Variants in ADIPOR1 observed in about 807,000 individuals in gnomAD.
ADIPOR1 encodes the protein adiponectin receptor protein 1.
In ADIPOR1, 15 loss-of-function variants were observed where a neutral mutation model predicts 37.5. That is an observed-to-expected ratio of 0.40 (90% CI 0.27 to 0.62). The LOEUF is 0.62. Among genes scored for constraint, ADIPOR1 ranks in the 20% least tolerant of loss-of-function variants. The pLI, the probability that ADIPOR1 is intolerant of heterozygous loss-of-function variation, is 0.42. For missense variants in ADIPOR1, 286 were observed against 478.0 expected (o/e 0.60, Z 3.75); for synonymous variants, 173 against 173.2 (o/e 1.00, Z 0.01).
At chr1:202,942,682 G>A (rs1654144479) in intron 6 of ADIPOR1, among the ~76,000 whole-genome samples, 1 of 152,084 alleles carries the variant, frequency 6.6e-6, no homozygotes, top group South Asian at 2.1e-4. Context: ...GTAGCTGCTG[G>A]GACACACAAG....
intron 5 of ADIPOR1, 80 bp from the exon 6 acceptor site, chr1:202,944,025 T>C: frequency 7.8e-7 from 1 of 1,283,972 alleles, no homozygotes; most frequent in Admixed American, 2.2e-5. Context: ...CTTTCTGTTC[T>C]CCACCTGCTC....
At chr1:202,955,125 T>TAC (rs1179588393) in intron 1 of ADIPOR1, among the ~76,000 whole-genome samples, 1 of 152,132 alleles carries the variant, frequency 6.6e-6, no homozygotes. Context: ...ATCACCGAAC[T>TAC]ACAGTATATA....
Position 202,951,139 on chromosome 1 carries a change from C to A in ADIPOR1, c.-69G>T. ...GTTGGGGTCTCTCAGCCCCAGGGGG[C>A]AGAGATCTCCCTCTGATGGTAGACA... On this transcript the variant is annotated 5_prime_UTR_variant, in exon 2 of 8. Transcript: ENST00000340990. 1 of 1,587,288 alleles carries A rather than the reference C, an allele frequency of 6.3e-7. No homozygotes were observed. Among genetic ancestry groups the A allele is most frequent in the Non-Finnish European group, 8.6e-7 (1 of 1,160,198 alleles).
chr1:202,955,589 A>T (rs75823876), intron 1 of ADIPOR1, among the ~76,000 whole-genome samples: 4,888 of 152,014 alleles, frequency 0.032, 139 homozygotes, highest in South Asian at 0.11. Context: ...TTTTAATGCC[A>T]GCCCATTTTT....
At chr1:202,946,994 T>C (rs1654355890) in intron 3 of ADIPOR1, among the ~76,000 whole-genome samples, 1 of 151,926 alleles carries the variant, frequency 6.6e-6, no homozygotes, top group Non-Finnish European at 1.5e-5. Flanking sequence ...CGGGCACCTG[T>C]AATCCCAGCT....
chr1:202,957,759 TC>T (rs1256104365), intron 1 of ADIPOR1, among the ~76,000 whole-genome samples: 2 of 152,144 alleles, frequency 1.3e-5, no homozygotes, highest in Non-Finnish European at 2.9e-5. Flanking sequence ...ATGCGGCTGT[TC>T]CCCGCTGAGA....
At chr1:202,956,268 A>G (rs1001279796) in intron 1 of ADIPOR1, among the ~76,000 whole-genome samples, 4 of 152,254 alleles carry the variant, frequency 2.6e-5, no homozygotes, top group Admixed American at 6.5e-5. Flanking sequence ...CCTGTGTGAT[A>G]ATAAGTAGAT....
At chr1:202,956,652 T>TA (rs1298183284) in intron 1 of ADIPOR1, among the ~76,000 whole-genome samples, 1 of 152,042 alleles carries the variant, frequency 6.6e-6, no homozygotes, top group Non-Finnish European at 1.5e-5. Context: ...GATTGATAGA[T>TA]AGAGATGGAA....
At chr1:202,956,187 G>A (rs900365673) in intron 1 of ADIPOR1, among the ~76,000 whole-genome samples, 48 of 152,194 alleles carry the variant, frequency 3.2e-4, no homozygotes, top group African/African-American at 1.1e-3. Context: ...ACGTTGATGA[G>A]TACTGGTCCA....
chr1:202,943,660 G>T, intron 6 of ADIPOR1, 98 bp downstream of exon 6: 1 of 1,337,642 alleles, frequency 7.5e-7, no homozygotes, highest in Non-Finnish European at 1.0e-6. Context: ...GGTTTGGGTG[G>T]GGTTCTCAAG....
chr1:202,952,251 G>A (rs990518038), intron 1 of ADIPOR1, among the ~76,000 whole-genome samples: 4 of 152,046 alleles, frequency 2.6e-5, no homozygotes, highest in African/African-American at 9.7e-5. Context: ...TCTTGCATTG[G>A]TTACCCAAGC....
intron 6 of ADIPOR1, 102 bp downstream of exon 6, chr1:202,943,656 G>T: frequency 7.7e-7 from 1 of 1,298,914 alleles, no homozygotes; most frequent in African/African-American, 1.5e-5. Context: ...TCAGGGTTTG[G>T]GTGGGGTTCT....
Position 202,948,337 on chromosome 1 carries a change from G to T in ADIPOR1, c.225C>A (p.His75Gln), listed in dbSNP as rs150127027. 4 of 1,613,698 alleles carry T rather than the reference G, an allele frequency of 2.5e-6. No homozygotes were observed. The highest frequency in any genetic ancestry group is 2.2e-5 in the East Asian group (1 of 44,866). The change falls in exon 3 of 8, where the codon CAC (histidine) becomes CAA (glutamine). Residue 75 changes from histidine (H) to glutamine (Q), a missense_variant. By Grantham distance (24) the His-to-Gln change is conservative. Transcript: ENST00000340990. ...CAAACTCTTCCATCTTCTCCATGGC[G>T]TGGTGGGCTTGCAGGGGAAGTGTCA... The part of the protein sequence containing the change: ...RVLTLPLQAH[H>Q]AMEKMEEFVY...
At chr1:202,950,032 G>A (rs1654502065) in intron 2 of ADIPOR1, among the ~76,000 whole-genome samples, 1 of 151,958 alleles carries the variant, frequency 6.6e-6, no homozygotes, top group African/African-American at 2.4e-5. Context: ...GCACGATCTC[G>A]GCTCACTGCA....
chr1:202,946,353 C>A, intron 4 of ADIPOR1, 86 bp downstream of exon 4: 2 of 1,512,630 alleles, frequency 1.3e-6, no homozygotes, highest in Non-Finnish European at 1.8e-6. Flanking sequence ...AGCTGCCAAT[C>A]GATCTGAACA....
Position 202,943,947 on chromosome 1 carries a change from T to A in ADIPOR1, c.618-2A>T, listed in dbSNP as rs761152960. On this transcript the variant is annotated splice_acceptor_variant, in intron 5 of 7. Coordinates refer to ENST00000340990, the MANE Select transcript of ADIPOR1 (RefSeq NM_015999.6). LOFTEE classifies it high-confidence loss of function. ...AGAGCAATCCCTGAATAGTCCAGTC[T>A]AAAAAGAACCACAAAAATGAAACAA... 1 of 1,607,070 alleles carries A rather than the reference T, an allele frequency of 6.2e-7. No individual in the cohort carries two copies. Among genetic ancestry groups the A allele is most frequent in the Non-Finnish European group, 8.5e-7 (1 of 1,175,696 alleles).
chr1:202,945,317 C>T, intron 4 of ADIPOR1, 148 bp from the exon 5 acceptor site: 2 of 808,792 alleles, frequency 2.5e-6, no homozygotes, highest in Non-Finnish European at 3.7e-6. Flanking sequence ...TACCACCTTA[C>T]TTCTGCAAGA....
At chr1:202,951,262 C>A in intron 1 of ADIPOR1, 98 bp from the exon 2 acceptor site, 1 of 611,214 alleles carries the variant, frequency 1.6e-6, no homozygotes, top group Non-Finnish European at 2.7e-6. Flanking sequence ...CAACTCATAT[C>A]CTGTCCCCAA....
At position 202,941,645 on chromosome 1, in the gene ADIPOR1, G is replaced by A. The variant is rs755225469; in HGVS notation, c.1056C>T (p.Phe352=). 2.5e-6 allele frequency: 4 copies of A among 1,614,168 alleles called. No individual in the cohort carries two copies. The Admixed American group carries it at 6.7e-5, about 27-fold the overall frequency. The change falls in exon 8 of 8, where the codon TTC becomes TTT. Residue 352 remains phenylalanine, a synonymous_variant. Transcript: ENST00000340990. ...VLVVAAAFVH[F]YGVSNLQEFR... ...ATTCCTGAAGGTTGGAGACTCCATA[G>A]AAGTGGACAAAGGCTGCTGCCACCA...
Sources: allele counts gnomAD v4.1 joint callset (sites outside exome capture counted in the v4.1 genomes callset), GRCh38; gene constraint gnomAD v4.1.1; transcripts MANE v1.5; gene names NCBI Gene and HGNC (gene_info 2026-07-23, HGNC 2026-07-21).